SPHKAP: variants seen among roughly 807,000 people sequenced by gnomAD.
SPHKAP encodes SPHK1 interactor, AKAP domain containing.
SPHKAP carries 67 observed loss-of-function variants against 137.5 expected under a neutral mutation model. The observed-to-expected ratio is 0.49, with a 90% confidence interval of 0.40 to 0.60. The LOEUF is 0.60. Ranked by LOEUF, SPHKAP falls within the 20% of genes least tolerant of loss-of-function variation. The probability of loss-of-function intolerance (pLI) is 0.00; values close to 1 mark genes in which losing one functional copy is unlikely to be tolerated. For missense variants in SPHKAP, 2,097 were observed against 2,069.3 expected, an observed-to-expected ratio of 1.01 and a Z score of -0.26; for synonymous variants, 813 against 785.3, an observed-to-expected ratio of 1.04 and a Z score of -0.59.
chr2:228,146,898 C>T (rs1400923624), intron 1 of SPHKAP, among the ~76,000 whole-genome samples: 2 of 152,170 alleles, frequency 1.3e-5, no homozygotes, highest in African/African-American at 4.8e-5. Context: ...TATTTTCTTC[C>T]TCTTGGAGAC....
chr2:228,013,428 G>A lies in SPHKAP; in HGVS notation c.4448+2978C>T, dbSNP rs187922475. Among the ~76,000 whole-genome samples the A allele has an allele frequency of 6.3e-4, 96 of 152,190 alleles. 1 individual carries two copies. Among genetic ancestry groups the A allele is most frequent in the African/African-American group, 2.2e-3 (90 of 41,532 alleles). On this transcript the variant is annotated intron_variant, in intron 7 of 11. Transcript: ENST00000392056. The stretch of plus-strand genomic sequence containing the variant: ...CACCTGGCTAATTTTTGTATTTTTA[G>A]TAGAGACAGGGTTTCACCACCTTGG...
chr2:228,168,699 G>A (rs4435438), intron 1 of SPHKAP, among the ~76,000 whole-genome samples: 20,484 of 152,062 alleles, frequency 0.13, 1,386 homozygotes, highest in East Asian at 0.2. Flanking sequence ...TAATGACTCT[G>A]AAATGGCCTG....
At chr2:228,002,203 CT>C (rs1373653168) in intron 7 of SPHKAP, among the ~76,000 whole-genome samples, 1 of 152,138 alleles carries the variant, frequency 6.6e-6, no homozygotes, top group Non-Finnish European at 1.5e-5. Flanking sequence ...AAAAGTGTTC[CT>C]GTTTCTCCAC....
At chr2:228,002,087 T>G (rs1693930034) in intron 7 of SPHKAP, among the ~76,000 whole-genome samples, 1 of 152,168 alleles carries the variant, frequency 6.6e-6, no homozygotes, top group Non-Finnish European at 1.5e-5. Flanking sequence ...ATATACCCAG[T>G]AATGGGATGG....
chr2:228,126,269 G>A (rs944608005), intron 2 of SPHKAP, among the ~76,000 whole-genome samples: 2 of 152,072 alleles, frequency 1.3e-5, no homozygotes, highest in African/African-American at 2.4e-5. Context: ...TGTTGCATAT[G>A]TTAAAACTGC....
intron 1 of SPHKAP, among the ~76,000 whole-genome samples, chr2:228,143,641 G>A (rs1218293296): frequency 1.3e-5 from 2 of 148,870 alleles, no homozygotes; most frequent in East Asian, 2.0e-4. Flanking sequence ...GATTACAGGC[G>A]CATGCCAAGC....
At chr2:228,032,634 C>T (rs886959815) in intron 3 of SPHKAP, among the ~76,000 whole-genome samples, 2 of 152,128 alleles carry the variant, frequency 1.3e-5, no homozygotes, top group African/African-American at 4.8e-5. Context: ...AGAGAAAGGT[C>T]GGGTTACCCA....
At chr2:228,001,307 C>CTATACATATATAAATATA (rs1395793526) in intron 7 of SPHKAP, among the ~76,000 whole-genome samples, 6 of 135,794 alleles carry the variant, frequency 4.4e-5, no homozygotes, top group Admixed American at 7.7e-5. Context: ...ATAAATATAT[C>CTATACATATATAAATATA]TATACATATA....
At chr2:228,100,652 T>G (rs1203072265) in intron 3 of SPHKAP, among the ~76,000 whole-genome samples, 2 of 152,216 alleles carry the variant, frequency 1.3e-5, no homozygotes, top group Non-Finnish European at 2.9e-5. Context: ...ATTAATTGAT[T>G]TGTATATGTT....
chr2:228,091,381 C>A (rs773297033), intron 3 of SPHKAP, among the ~76,000 whole-genome samples: 1 of 152,076 alleles, frequency 6.6e-6, no homozygotes, highest in Admixed American at 6.6e-5. Flanking sequence ...ACCAACAACC[C>A]AAAAGCAAAT....
intron 3 of SPHKAP, among the ~76,000 whole-genome samples, chr2:228,097,966 T>G (rs959859837): frequency 2.0e-5 from 3 of 152,332 alleles, no homozygotes; most frequent in East Asian, 3.9e-4. Context: ...GTCTTTTTGA[T>G]AGAACGATCT....
At chr2:228,126,727 A>G (rs1699086151) in intron 2 of SPHKAP, among the ~76,000 whole-genome samples, 1 of 152,088 alleles carries the variant, frequency 6.6e-6, no homozygotes, top group Non-Finnish European at 1.5e-5. Context: ...CCAAAAATAT[A>G]TATTGAAGAG....
chr2:228,178,688 A>C (rs1700810347), intron 1 of SPHKAP, among the ~76,000 whole-genome samples: 1 of 152,140 alleles, frequency 6.6e-6, no homozygotes, highest in African/African-American at 2.4e-5. Flanking sequence ...ACTACTAGTC[A>C]GAAAACACTT....
At chr2:228,163,984 G>A (rs1226222600) in intron 1 of SPHKAP, among the ~76,000 whole-genome samples, 1 of 152,086 alleles carries the variant, frequency 6.6e-6, no homozygotes, top group African/African-American at 2.4e-5. Flanking sequence ...TGCCAGAGGG[G>A]ATTGATATTT....
At chr2:228,148,661 C>T (rs1207032348) in intron 1 of SPHKAP, among the ~76,000 whole-genome samples, 1 of 152,086 alleles carries the variant, frequency 6.6e-6, no homozygotes, top group Admixed American at 6.6e-5. Flanking sequence ...AACCTGGATT[C>T]CTGGGAGTGT....
chr2:228,062,127 C>T (rs1356078629), intron 3 of SPHKAP, among the ~76,000 whole-genome samples: 5 of 151,628 alleles, frequency 3.3e-5, no homozygotes, highest in Non-Finnish European at 5.9e-5. Context: ...AATGAGCTTG[C>T]ATTTCTGTAG....
At chr2:228,117,733 A>G (rs1290085466) in intron 2 of SPHKAP, among the ~76,000 whole-genome samples, 1 of 152,034 alleles carries the variant, frequency 6.6e-6, no homozygotes, top group Non-Finnish European at 1.5e-5. Flanking sequence ...GATATAGAAC[A>G]GTTTCATCAC....
At chr2:228,007,805 T>C (rs1204723765) in intron 7 of SPHKAP, among the ~76,000 whole-genome samples, 2 of 152,026 alleles carry the variant, frequency 1.3e-5, no homozygotes, top group African/African-American at 4.8e-5. Flanking sequence ...AAACACATAA[T>C]GAAGAAAGGA....
intron 3 of SPHKAP, among the ~76,000 whole-genome samples, chr2:228,092,666 A>C (rs1181711189): frequency 1.4e-5 from 2 of 146,888 alleles, no homozygotes; most frequent in Non-Finnish European, 3.0e-5. Flanking sequence ...ATATATATAC[A>C]TATACATGTG....
Sources: allele counts gnomAD v4.1 joint callset (sites outside exome capture counted in the v4.1 genomes callset), GRCh38; gene constraint gnomAD v4.1.1; transcripts MANE v1.5; gene names NCBI Gene and HGNC (gene_info 2026-07-23, HGNC 2026-07-21).